The following EDN3 variants were observed in gnomAD, a reference collection of about 807,000 sequenced individuals.
EDN3 encodes endothelin-3.
In EDN3, 9 loss-of-function variants were observed where a neutral mutation model predicts 21.4. The ratio of observed to expected loss-of-function variants is 0.42; its 90% CI spans 0.25 to 0.73. The LOEUF (loss-of-function observed/expected upper bound fraction) is 0.73. Among genes scored for constraint, EDN3 ranks in the 30% least tolerant of loss-of-function variants. EDN3 has a pLI of 0.26. For synonymous variants in EDN3, 133 were observed against 126.2 expected (o/e 1.05, Z -0.36); for missense variants, 327 against 309.4 (o/e 1.06, Z -0.43).
intron 2 of EDN3, among the ~76,000 whole-genome samples, chr20:59,319,193 G>A (rs1168053695): frequency 6.6e-6 from 1 of 152,048 alleles, no homozygotes; most frequent in Non-Finnish European, 1.5e-5. Context: ...CTGTTTCTGA[G>A]GAACTTGGGT....
At chr20:59,319,242 G>C (rs1312883672) in intron 2 of EDN3, among the ~76,000 whole-genome samples, 1 of 152,110 alleles carries the variant, frequency 6.6e-6, no homozygotes, top group Non-Finnish European at 1.5e-5. Flanking sequence ...TCAACGAACA[G>C]GGTGGGGTCA....
chr20:59,319,200 G>A (rs990576454), intron 2 of EDN3, among the ~76,000 whole-genome samples: 1 of 152,048 alleles, frequency 6.6e-6, no homozygotes, highest in Non-Finnish European at 1.5e-5. Context: ...TGAGGAACTT[G>A]GGTGGGAGGG....
At chr20:59,302,880 T>C (rs1989145218) in intron 2 of EDN3, among the ~76,000 whole-genome samples, 1 of 152,104 alleles carries the variant, frequency 6.6e-6, no homozygotes, top group Non-Finnish European at 1.5e-5. Flanking sequence ...TTCATGGGGC[T>C]CACTTACCTA....
rs1220589317 is a variant in EDN3, at chr20:59,325,400, G to T, written c.*941G>T. On this transcript the variant is annotated 3_prime_UTR_variant, in exon 5 of 5. Transcript: ENST00000337938. ...GTCTGACAGTTCAAAATCTCTTTCA[G>T]CTGCGCTCTTCCCACCGAGCCGAGC... The T allele has an allele frequency of 2.0e-5, 3 of 152,386 alleles. No homozygotes were observed. Among genetic ancestry groups the T allele is most frequent in the Admixed American group, 6.5e-5 (1 of 15,282 alleles). The allele number at this position is 152,386 out of a possible 1,614,324, so 9.4% of individuals were successfully genotyped here. A position where few individuals can be genotyped will look rare whatever the true frequency, so the allele number is the denominator to read the frequency against.
chr20:59,320,122 A>C (rs978821294), intron 2 of EDN3, among the ~76,000 whole-genome samples: 1 of 152,176 alleles, frequency 6.6e-6, no homozygotes, highest in Admixed American at 6.5e-5. Flanking sequence ...AACGCCAACC[A>C]TAAACGAAAT....
intron 3 of EDN3, 76 bp downstream of exon 3, chr20:59,321,269 A>C: frequency 1.3e-6 from 2 of 1,513,942 alleles, no homozygotes; most frequent in Non-Finnish European, 1.8e-6. Context: ...GGGGCTTCTC[A>C]AAGGAGGGTG....
intron 4 of EDN3, among the ~76,000 whole-genome samples, chr20:59,323,982 A>G (rs1380905014): frequency 1.3e-5 from 2 of 152,224 alleles, no homozygotes; most frequent in African/African-American, 2.4e-5. Context: ...TATTAAGCCA[A>G]TGTTCTTGCT....
chr20:59,317,547 C>CTCTCTGTAATA (rs1280354778), intron 2 of EDN3, among the ~76,000 whole-genome samples: 1 of 152,132 alleles, frequency 6.6e-6, no homozygotes, highest in African/African-American at 2.4e-5. Flanking sequence ...AGCAGTATTA[C>CTCTCTGTAATA]CAGGTCATGT....
chr20:59,308,270 T>A (rs1989563188), intron 2 of EDN3, among the ~76,000 whole-genome samples: 1 of 152,160 alleles, frequency 6.6e-6, no homozygotes, highest in African/African-American at 2.4e-5. Flanking sequence ...GTGCAGGATT[T>A]TTCTTTTCTT....
At chr20:59,301,813 G>C in intron 2 of EDN3, 91 bp downstream of exon 2, 1 of 1,423,622 alleles carries the variant, frequency 7.0e-7, no homozygotes, top group Non-Finnish European at 9.9e-7. Context: ...CCCCAGCCCC[G>C]CTCAGTTAGC....
At chr20:59,308,719 A>G (rs1188805681) in intron 2 of EDN3, among the ~76,000 whole-genome samples, 1 of 152,232 alleles carries the variant, frequency 6.6e-6, no homozygotes, top group Non-Finnish European at 1.5e-5. Flanking sequence ...GATGGTGGCC[A>G]CAATGATAAC....
chr20:59,312,242 G>A (rs1989877953), intron 2 of EDN3, among the ~76,000 whole-genome samples: 1 of 152,202 alleles, frequency 6.6e-6, no homozygotes, highest in African/African-American at 2.4e-5. Flanking sequence ...GGGGGCTGGG[G>A]AGAGAAACTC....
chr20:59,306,789 C>T (rs1344424608), intron 2 of EDN3, among the ~76,000 whole-genome samples: 1 of 152,080 alleles, frequency 6.6e-6, no homozygotes, highest in Non-Finnish European at 1.5e-5. Flanking sequence ...GGATCTGGAA[C>T]CCCAACTTCC....
At chr20:59,316,278 G>A (rs1240101477) in intron 2 of EDN3, among the ~76,000 whole-genome samples, 1 of 152,236 alleles carries the variant, frequency 6.6e-6, no homozygotes, top group Non-Finnish European at 1.5e-5. Flanking sequence ...GTGTATGTGT[G>A]CAGGGCAGGG....
chr20:59,322,483 G>T lies in EDN3; in HGVS notation c.588+66G>T, dbSNP rs199774822. ...GATGTGACGTGTCATTCCTTCGGGG[G>T]TGGGTGGAGGGTGTTTTGAGGGGAT... On this transcript the variant is annotated intron_variant, in intron 4 of 4. Coordinates refer to ENST00000337938, the MANE Select transcript of EDN3 (RefSeq NM_207034.3). This position sits in a 1 kb window ranked among gnomAD's most constrained non-coding sequence, Gnocchi z 4.1. The T allele has an allele frequency of 4.4e-6, 7 of 1,605,222 alleles. No individual in the cohort carries two copies. The highest frequency in any genetic ancestry group is 1.3e-5 in the African/African-American group (1 of 74,700).
intron 2 of EDN3, among the ~76,000 whole-genome samples, chr20:59,314,083 G>C (rs1990020698): frequency 6.6e-6 from 1 of 152,136 alleles, no homozygotes; most frequent in Non-Finnish European, 1.5e-5. Context: ...CCTGCTGAAG[G>C]ACAGACAGTG....
Position 59,300,780 on chromosome 20 carries a change from C to T in EDN3, c.-33C>T, listed in dbSNP as rs1305516549. ...TTCGCGGCCACAAGCGGCCGTCCTC[C>T]TGGTCCGGTGCTCCGGCGCCTGATC... is the stretch of plus-strand genomic sequence containing the variant. On this transcript the variant is annotated 5_prime_UTR_variant, in exon 1 of 5. Coordinates refer to ENST00000337938, the MANE Select transcript of EDN3 (RefSeq NM_207034.3). 6.2e-7 allele frequency: 1 copy of T among 1,602,052 alleles called. No homozygotes were observed. Among genetic ancestry groups the T allele is most frequent in the African/African-American group, 1.3e-5 (1 of 74,710 alleles).
chr20:59,303,906 C>A (rs913474287), intron 2 of EDN3, among the ~76,000 whole-genome samples: 5 of 152,180 alleles, frequency 3.3e-5, no homozygotes, highest in Non-Finnish European at 7.4e-5. Context: ...GTTTGGGCAT[C>A]CCCTGAGCTA....
chr20:59,303,536 T>G (rs197173), intron 2 of EDN3, among the ~76,000 whole-genome samples: 130,974 of 152,236 alleles, frequency 0.86, 56,705 homozygotes, highest in African/African-American at 0.94. Flanking sequence ...CTAATGGAAT[T>G]ACAGACAGGA....
Sources: allele counts gnomAD v4.1 joint callset (sites outside exome capture counted in the v4.1 genomes callset), GRCh38; gene constraint gnomAD v4.1.1; non-coding constraint Gnocchi (gnomAD v3.1); transcripts MANE v1.5; gene names NCBI Gene and HGNC (gene_info 2026-07-23, HGNC 2026-07-21).